Variants in GOLT1A observed in about 807,000 individuals in gnomAD.
The protein encoded by GOLT1A is golgi transport 1A.
Under a neutral mutation model 16.1 loss-of-function variants are expected in GOLT1A, and 10 were observed. The observed-to-expected ratio is 0.62, with a 90% CI of 0.38 to 1.05. The LOEUF (loss-of-function observed/expected upper bound fraction) is 1.05, where lower values mean the gene tolerates loss of function less well. Among genes scored for constraint, GOLT1A ranks in the 50% least tolerant of loss-of-function variants. The pLI is 0.01. For missense variants in GOLT1A, 137 were observed against 165.7 expected (o/e 0.83, Z 0.95); for synonymous variants, 60 against 67.9 (o/e 0.88, Z 0.57).
chr1:204,202,003 G>A (rs530086603), intron 2 of GOLT1A, among the ~76,000 whole-genome samples, 192 bp from the exon 3 acceptor site: 134 of 152,128 alleles, frequency 8.8e-4, no homozygotes, highest in African/African-American at 1.4e-3. Context: ...ACAGGACTGC[G>A]CAGAGGCAGG....
chr1:204,199,706 G>C (rs1165943114), intron 3 of GOLT1A, among the ~76,000 whole-genome samples: 7 of 152,158 alleles, frequency 4.6e-5, no homozygotes, highest in Admixed American at 4.6e-4. Flanking sequence ...TGGGCCCTGG[G>C]CGTCGGGGGC....
Position 204,201,614 on chromosome 1 carries a change from T to C in GOLT1A, c.296+19A>G, listed in dbSNP as rs1658962321. On this transcript the variant is annotated intron_variant, in intron 3 of 4. Coordinates refer to ENST00000308302, the MANE Select transcript of GOLT1A (RefSeq NM_198447.2). Reference sequence around the variant, plus strand: ...ACACTTTGGTGGGTCTGTCCAGGGTTATAGGGATTTGCACTCACTTAAAGA... The same window carrying C: ...ACACTTTGGTGGGTCTGTCCAGGGTCATAGGGATTTGCACTCACTTAAAGA... The C allele has an allele frequency of 6.2e-7, 1 of 1,613,278 alleles. No individual in the cohort carries two copies.
chr1:204,202,962 G>A lies in GOLT1A; in HGVS notation c.51C>T (p.Phe17=), dbSNP rs13334. The part of the protein sequence containing the change: ...WQKIGVGITG[F]GIFFILFGTL... ...TTCCAAAGAGGATGAAGAAGATGCC[G>A]AAACCGGTGATCCCCACACCAATCT... Residue 17 remains phenylalanine, a synonymous_variant, in exon 2 of 5, where the codon TTC becomes TTT. Coordinates refer to ENST00000308302, the MANE Select transcript of GOLT1A (RefSeq NM_198447.2). 0.018 allele frequency: 29,681 copies of A among 1,613,842 alleles called. 338 individuals carry two copies. Among genetic ancestry groups the A allele is most frequent in the East Asian group, 0.03 (1,324 of 44,874 alleles).
rs1571670337 is a variant in GOLT1A, at chr1:204,198,392, T to G, written c.*66A>C. 7.1e-7 allele frequency: 1 copy of G among 1,411,936 alleles called. No homozygotes were observed. Among genetic ancestry groups the G allele is most frequent in the South Asian group, 1.2e-5 (1 of 86,768 alleles). The allele number at this position is 1,411,936 out of a possible 1,614,324, so 87.5% of individuals were successfully genotyped here. ...GAGTCAGTGCAGGGGACTGAGGGGG[T>G]GGTTCCCATTCTCCCTCTAGCCCCC... is the stretch of plus-strand genomic sequence containing the variant. On this transcript the variant is annotated 3_prime_UTR_variant, in exon 5 of 5. Transcript: ENST00000308302.
At position 204,201,613 on chromosome 1, in the gene GOLT1A, T is replaced by C; in HGVS notation, c.296+20A>G. 6.2e-7 allele frequency: 1 copy of C among 1,612,992 alleles called. No homozygotes were observed. Reference sequence around the variant, plus strand: ...GACACTTTGGTGGGTCTGTCCAGGGTTATAGGGATTTGCACTCACTTAAAG... The same window carrying C: ...GACACTTTGGTGGGTCTGTCCAGGGCTATAGGGATTTGCACTCACTTAAAG... On this transcript the variant is annotated intron_variant, in intron 3 of 4. Coordinates refer to ENST00000308302, the MANE Select transcript of GOLT1A (RefSeq NM_198447.2).
At chr1:204,206,013 T>C (rs768775300) in intron 1 of GOLT1A, among the ~76,000 whole-genome samples, 10 of 152,134 alleles carry the variant, frequency 6.6e-5, no homozygotes, top group Non-Finnish European at 1.2e-4. Context: ...GAGGTTGCAG[T>C]GAGCCGAGAT....
intron 1 of GOLT1A, among the ~76,000 whole-genome samples, chr1:204,213,296 T>C (rs980962851): frequency 1.6e-4 from 24 of 152,194 alleles, no homozygotes; most frequent in Admixed American, 1.1e-3. Flanking sequence ...AACAAAAGAA[T>C]GTTGTCACCA....
intron 4 of GOLT1A, chr1:204,198,919 C>A: frequency 9.7e-6 from 5 of 514,072 alleles, no homozygotes; most frequent in Non-Finnish European, 1.7e-5. Flanking sequence ...GTCTTCATTT[C>A]TTTGGCTGTA....
At chr1:204,204,059 C>A (rs1337045784) in intron 1 of GOLT1A, among the ~76,000 whole-genome samples, 1 of 152,162 alleles carries the variant, frequency 6.6e-6, no homozygotes, top group Non-Finnish European at 1.5e-5. Context: ...TTAACCCTCT[C>A]CAGCACTCAG....
chr1:204,206,317 T>G (rs6685029), intron 1 of GOLT1A, among the ~76,000 whole-genome samples: 2,475 of 152,326 alleles, frequency 0.016, 65 homozygotes, highest in African/African-American at 0.057. Flanking sequence ...CTATTTGGGC[T>G]TGTTTCCTAC....
At chr1:204,205,960 C>T (rs1045325471) in intron 1 of GOLT1A, among the ~76,000 whole-genome samples, 9 of 152,088 alleles carry the variant, frequency 5.9e-5, no homozygotes, top group Non-Finnish European at 1.0e-4. Flanking sequence ...GTCCCAGCTA[C>T]GTGGGAGGCT....
At position 204,213,955 on chromosome 1, in the gene GOLT1A, C is replaced by T. The variant is rs1001943731; in HGVS notation, c.-49G>A. The T allele has an allele frequency of 5.0e-6, 8 of 1,603,652 alleles. 1 individual carries two copies. Among genetic ancestry groups the T allele is most frequent in the Non-Finnish European group, 6.0e-6 (7 of 1,174,896 alleles). Reference sequence around the variant, plus strand: ...TCCGGGTGGAAGCGGGCAAGTGGAGCGTGGCCCAGAGGACGCAGCTGGTAC... The same window carrying T: ...TCCGGGTGGAAGCGGGCAAGTGGAGTGTGGCCCAGAGGACGCAGCTGGTAC... On this transcript the variant is annotated 5_prime_UTR_variant, in exon 1 of 5. Transcript: ENST00000308302.
intron 1 of GOLT1A, among the ~76,000 whole-genome samples, chr1:204,213,456 T>C (rs900073050): frequency 5.9e-5 from 9 of 151,606 alleles, no homozygotes; most frequent in African/African-American, 1.9e-4. Context: ...TGTTTAGGAG[T>C]GAGGGTATGG....
At chr1:204,203,039 G>A (rs771195020) in intron 1 of GOLT1A, 52 bp from the exon 2 acceptor site, 6 of 1,480,522 alleles carry the variant, frequency 4.1e-6, no homozygotes, top group Non-Finnish European at 5.6e-6. Flanking sequence ...AGCAGGTGGG[G>A]ACCCTGAAAC....
Position 204,213,916 on chromosome 1 carries a change from A to G in GOLT1A, c.-10T>C. The G allele has an allele frequency of 6.2e-7, 1 of 1,613,008 alleles. No individual in the cohort carries two copies. Among genetic ancestry groups the G allele is most frequent in the Non-Finnish European group, 8.5e-7 (1 of 1,179,716 alleles). On this transcript the variant is annotated 5_prime_UTR_variant, in exon 1 of 5. It removes the in-frame stop codon of an upstream open reading frame in the 5' UTR. Transcript: ENST00000308302. ...CGGTGATGGAGATCATGCCGCACTC[A>G]GCCTGGGGGGCTTTCCGGGTGGAAG... is the stretch of plus-strand genomic sequence containing the variant.
intron 1 of GOLT1A, among the ~76,000 whole-genome samples, chr1:204,204,622 G>A (rs1474255969): frequency 7.2e-5 from 11 of 152,132 alleles, no homozygotes; most frequent in Non-Finnish European, 1.5e-4. Context: ...ATGAGCATAA[G>A]AAAATATCTC....
chr1:204,201,733 T>G lies in GOLT1A; in HGVS notation c.196A>C (p.Lys66Gln). 1 of 1,614,000 alleles carries G rather than the reference T, an allele frequency of 6.2e-7. No individual in the cohort carries two copies. Among genetic ancestry groups the G allele is most frequent in the Non-Finnish European group, 8.5e-7 (1 of 1,179,994 alleles). The change falls in exon 3 of 5, where the codon AAG becomes CAG. Residue 66 changes from lysine (K) to glutamine (Q), a missense_variant. Physicochemically the swap from Lys to Gln is moderately conservative, Grantham distance 53. Transcript: ENST00000308302. ...CCCCCCAGGAGGAAGCTGGTTCCCT[T>G]GAGTTTGTGCCGTTGGAAGAAGAAC... is the stretch of plus-strand genomic sequence containing the variant. The part of the protein sequence containing the change: ...FWFFFQRHKL[K>Q]GTSFLLGGVV...
intron 1 of GOLT1A, among the ~76,000 whole-genome samples, chr1:204,208,904 T>C (rs943842670): frequency 2.6e-5 from 4 of 152,146 alleles, no homozygotes; most frequent in East Asian, 1.9e-4. Flanking sequence ...GCCATCAAAA[T>C]TGGGACACTA....
intron 1 of GOLT1A, among the ~76,000 whole-genome samples, chr1:204,208,723 G>A (rs1659093558): frequency 6.6e-6 from 1 of 151,820 alleles, no homozygotes; most frequent in African/African-American, 2.4e-5. Context: ...AGGAGGGGCT[G>A]AAGGATACAA....
Sources: allele counts gnomAD v4.1 joint callset (sites outside exome capture counted in the v4.1 genomes callset), GRCh38; gene constraint gnomAD v4.1.1; transcripts MANE v1.5; gene names NCBI Gene and HGNC (gene_info 2026-07-23, HGNC 2026-07-21).